Variants in KIF15 observed in about 807,000 individuals in gnomAD.
The protein encoded by KIF15 is kinesin family member 15, also known as kinesin-like protein KIF15.
In KIF15, 140 loss-of-function variants were observed where a neutral mutation model predicts 190.6. The ratio of observed to expected loss-of-function variants is 0.73; its 90% CI spans 0.64 to 0.84. The LOEUF (loss-of-function observed/expected upper bound fraction) is 0.84, where lower values mean the gene tolerates loss of function less well. Ranked by LOEUF, KIF15 falls within the 40% of genes least tolerant of loss-of-function variation. The probability of loss-of-function intolerance (pLI) is 0.00; values close to 1 mark genes in which losing one functional copy is unlikely to be tolerated. For synonymous variants in KIF15, 528 were observed against 551.3 expected, an observed-to-expected ratio of 0.96 and a Z score of 0.59; for missense variants, 1,372 against 1,584.4, an observed-to-expected ratio of 0.87 and a Z score of 2.28.
At chr3:44,794,174 A>C (rs753033407) in intron 7 of KIF15, 43 bp from the exon 8 acceptor site, 2 of 1,524,512 alleles carry the variant, frequency 1.3e-6, no homozygotes, top group South Asian at 2.4e-5. Flanking sequence ...AGCCACTGTA[A>C]CTGGTCCTCT....
chr3:44,796,917 C>G (rs959831799), intron 8 of KIF15, among the ~76,000 whole-genome samples: 1 of 152,140 alleles, frequency 6.6e-6, no homozygotes, highest in Non-Finnish European at 1.5e-5. Context: ...ATGCACTACT[C>G]TAGCTTTTTT....
intron 11 of KIF15, among the ~76,000 whole-genome samples, chr3:44,801,210 G>GGC (rs1553649602): frequency 6.7e-6 from 1 of 148,728 alleles, no homozygotes; most frequent in African/African-American, 2.5e-5. Context: ...GGGGGCGGCG[G>GGC]GAGGGGGGGG....
Position 44,813,109 on chromosome 3 carries a change from A to G in KIF15, c.2312A>G (p.Gln771Arg). The G allele has an allele frequency of 6.3e-7, 1 of 1,594,126 alleles. No homozygotes were observed. The highest frequency in any genetic ancestry group is 1.8e-5 in the Admixed American group (1 of 54,532). ...FSSERIDWTK[Q>R]QEELLSQLNV... is the part of the protein sequence containing the mutation. Reference sequence around the variant, plus strand: ...TCAGAAAGAATTGATTGGACCAAACAGCAGGAAGAGCTTCTCTCACAGTTG... The same window carrying G: ...TCAGAAAGAATTGATTGGACCAAACGGCAGGAAGAGCTTCTCTCACAGTTG... Residue 771 changes from glutamine (Q) to arginine (R), a missense_variant, in exon 19 of 35, where the codon CAG becomes CGG. Coordinates refer to ENST00000326047, the MANE Select transcript of KIF15 (RefSeq NM_020242.3).
chr3:44,782,160 C>A (rs1393317122), intron 5 of KIF15, among the ~76,000 whole-genome samples: 2 of 152,148 alleles, frequency 1.3e-5, no homozygotes, highest in African/African-American at 4.8e-5. Flanking sequence ...AGGCTATTCT[C>A]CAGCCTCAGC....
rs775883722 is a variant in KIF15 at position 44,848,075 on chromosome 3, G to A, written c.3768+18G>A. The A allele has an allele frequency of 2.1e-5, 31 of 1,461,464 alleles. No homozygotes were observed. The highest frequency in any genetic ancestry group is 2.8e-5 in the African/African-American group (2 of 71,326). 90.5% of individuals were successfully genotyped at this position (1,461,464 alleles called of 1,614,324 possible). A position where few individuals can be genotyped will look rare whatever the true frequency, so the allele number is the denominator to read the frequency against. ...TTGCAAAAGTAAGATTTTTTTTTAT[G>A]TAATAGTTTCTTCTTGTCTGAGCAA... is the stretch of plus-strand genomic sequence containing the variant. On this transcript the variant is annotated intron_variant, in intron 31 of 34. Transcript: ENST00000326047.
At position 44,830,032 on chromosome 3, in the gene KIF15, C is replaced by CAGA; in HGVS notation, c.3007_3009dup (p.Glu1003dup). The CAGA allele has an allele frequency of 6.3e-7, 1 of 1,595,460 alleles. No homozygotes were observed. Among genetic ancestry groups the CAGA allele is most frequent in the Non-Finnish European group, 8.5e-7 (1 of 1,172,538 alleles). ...CTAAGAACATCGGTCTGTGAGAAAA[C>CAGA]AGAAACTATAGACACCCTGAAACAA... On this transcript the variant is annotated inframe_insertion, in exon 25 of 35. Transcript: ENST00000326047.
intron 25 of KIF15, 50 bp downstream of exon 25, chr3:44,830,125 C>T: frequency 1.0e-6 from 1 of 978,866 alleles, no homozygotes; most frequent in Non-Finnish European, 1.5e-6. Context: ...GGACACTTCA[C>T]AGACTTTTCA....
At chr3:44,852,538 G>C in intron 34 of KIF15, 135 bp from the exon 35 acceptor site, 3 of 818,640 alleles carry the variant, frequency 3.7e-6, no homozygotes, top group Non-Finnish European at 3.7e-6. Context: ...GCAGATTCTT[G>C]TTTAACGTTT....
At chr3:44,848,445 C>G in intron 31 of KIF15, 76 bp from the exon 32 acceptor site, 1 of 701,260 alleles carries the variant, frequency 1.4e-6, no homozygotes. Context: ...GGGCTGGTTC[C>G]TTTCTATCTT....
At position 44,862,163 on chromosome 3, in the gene KIF15, G is replaced by A. The variant is rs1699263000; in HGVS notation, c.*59+9369G>A. On this transcript the variant is annotated intron_variant and NMD_transcript_variant, in intron 6 of 6. Coordinates refer to the KIF15 transcript ENST00000422209. The stretch of plus-strand genomic sequence containing the variant: ...GTGCTGCTGCTGCGGGCGGGCGGGC[G>A]GGGCGCCGCTGGGCGGAGGAGGGGC... The A allele has an allele frequency of 5.0e-6, 3 of 597,604 alleles. 1 individual carries two copies. Among genetic ancestry groups the A allele is most frequent in the African/African-American group, 2.0e-5 (1 of 50,208 alleles). The allele number at this position is 597,604 out of a possible 1,614,324, so 37.0% of individuals were successfully genotyped here. A position where few individuals can be genotyped will look rare whatever the true frequency, so the allele number is the denominator to read the frequency against.
chr3:44,794,199 T>C lies in KIF15; in HGVS notation c.640-18T>C, dbSNP rs1244791715. 2.5e-6 allele frequency: 4 copies of C among 1,599,346 alleles called. No homozygotes were observed. The Admixed American group carries it at 5.1e-5, about 20-fold the overall frequency. On this transcript the variant is annotated intron_variant, in intron 7 of 34. Transcript: ENST00000326047. ...ACTGGTCCTCTCATTTCTTTTAATA[T>C]GTTTTCCTTTTGCATAGGTGTTGTC...
chr3:44,867,648 T>TTGTACAAGA (rs531214526), intron 6 of KIF15, among the ~76,000 whole-genome samples: 2 of 152,228 alleles, frequency 1.3e-5, no homozygotes, highest in Non-Finnish European at 2.9e-5. Flanking sequence ...ATGCCTGTAT[T>TTGTACAAGA]TGTACAAGAT....
chr3:44,774,210 T>TA (rs1327671286), intron 1 of KIF15, among the ~76,000 whole-genome samples, 185 bp from the exon 2 acceptor site: 1 of 152,178 alleles, frequency 6.6e-6, no homozygotes, highest in Non-Finnish European at 1.5e-5. Flanking sequence ...GACTAGGTGT[T>TA]ACAACCAGTA....
intron 22 of KIF15, chr3:44,826,857 C>T: frequency 3.6e-6 from 1 of 277,036 alleles, no homozygotes; most frequent in South Asian, 3.8e-5. Flanking sequence ...TTTCTTCCCT[C>T]TTTCCAGGTT....
At chr3:44,801,734 C>A in intron 12 of KIF15, 31 bp from the exon 13 acceptor site, 1 of 1,352,700 alleles carries the variant, frequency 7.4e-7, no homozygotes, top group Non-Finnish European at 1.0e-6. Flanking sequence ...AATTATTTTT[C>A]ATGTTTAACC....
chr3:44,800,475 T>C (rs201418553), intron 11 of KIF15, 38 bp downstream of exon 11: 10 of 1,593,744 alleles, frequency 6.3e-6, no homozygotes, highest in East Asian at 2.2e-5. Flanking sequence ...TGGGGAAGAC[T>C]GTACAAATAA....
At chr3:44,766,591 G>A (rs1705387082) in intron 1 of KIF15, among the ~76,000 whole-genome samples, 1 of 152,132 alleles carries the variant, frequency 6.6e-6, no homozygotes, top group Non-Finnish European at 1.5e-5. Flanking sequence ...TTGCAATTAG[G>A]AGCTGGAGGG....
chr3:44,812,431 C>T (rs1420971232), intron 18 of KIF15, 142 bp downstream of exon 18: 93 of 654,280 alleles, frequency 1.4e-4, no homozygotes, highest in Non-Finnish European at 1.1e-5. Context: ...AATGTTGTCA[C>T]ATGGCCTTAG....
chr3:44,794,501 G>A (rs1181600976), intron 8 of KIF15, 75 bp downstream of exon 8: 12 of 1,112,278 alleles, frequency 1.1e-5, no homozygotes, highest in Admixed American at 2.4e-5. Flanking sequence ...ATGCATGACA[G>A]TGTCTCAGTC....
Sources: gnomAD v4.1 joint callset for allele counts (sites outside exome capture counted in the v4.1 genomes callset) on GRCh38, gnomAD v4.1.1 for gene constraint, MANE v1.5 for transcripts, NCBI Gene and HGNC (gene_info 2026-07-23, HGNC 2026-07-21) for gene names.